Variants in DOCK2 observed in about 807,000 individuals in gnomAD.
DOCK2 encodes dedicator of cytokinesis protein 2.
A neutral mutation model predicts 248.9 loss-of-function variants in DOCK2; 87 were observed. The ratio of observed to expected loss-of-function variants is 0.35; its 90% CI spans 0.29 to 0.42. The LOEUF is 0.42. DOCK2 is among the 10% of genes least tolerant of loss of function. DOCK2 has a pLI of 1.00. For synonymous variants in DOCK2, 805 were observed against 821.6 expected (o/e 0.98, Z 0.35); for missense variants, 1,747 against 2,300.2 (o/e 0.76, Z 4.92).
At chr5:169,856,270 G>A (rs144403238) in intron 27 of DOCK2, among the ~76,000 whole-genome samples, 36 of 152,312 alleles carry the variant, frequency 2.4e-4, no homozygotes, top group Middle Eastern at 3.4e-3. Context: ...ATCAGAAAAA[G>A]ACACCTGCTT....
chr5:170,057,020 C>T, intron 43 of DOCK2: 1 of 484,280 alleles, frequency 2.1e-6, no homozygotes, highest in Non-Finnish European at 3.7e-6. Flanking sequence ...ACAGGGCATT[C>T]AGGCATTGCC....
At chr5:169,845,841 T>C (rs1335087420) in intron 27 of DOCK2, among the ~76,000 whole-genome samples, 2 of 152,216 alleles carry the variant, frequency 1.3e-5, no homozygotes, top group Non-Finnish European at 1.5e-5. Flanking sequence ...AGCAGAAATG[T>C]ACCTGAAATA....
chr5:169,706,249 T>C (rs1761257712), intron 14 of DOCK2, among the ~76,000 whole-genome samples: 1 of 152,252 alleles, frequency 6.6e-6, no homozygotes, highest in Non-Finnish European at 1.5e-5. Context: ...CAGAGATATA[T>C]GTGTAGTTTC....
In DOCK2 at chr5:169,654,410, C is replaced by T. The variant is rs185449432; in HGVS notation, c.51C>T (p.Tyr17=). The T allele has an allele frequency of 6.2e-7, 1 of 1,614,194 alleles. No homozygotes were observed. Among genetic ancestry groups the T allele is most frequent in the Non-Finnish European group, 8.5e-7 (1 of 1,180,034 alleles). Residue 17 remains tyrosine, a synonymous_variant, in exon 2 of 52, where the codon TAC becomes TAT. Coordinates refer to ENST00000520908, the MANE Select transcript of DOCK2 (RefSeq NM_004946.3). ...ADKERHGVAI[Y]NFQGSGAPQL... is the part of the protein sequence containing the mutation. Reference sequence around the variant, plus strand: ...TTTCTTTCTGTTTCACAGCCATATACAACTTCCAAGGCAGCGGAGCCCCCC... The same window carrying T: ...TTTCTTTCTGTTTCACAGCCATATATAACTTCCAAGGCAGCGGAGCCCCCC...
intron 15 of DOCK2, 79 bp from the exon 16 acceptor site, chr5:169,711,856 C>T: frequency 1.3e-6 from 2 of 1,486,550 alleles, no homozygotes; most frequent in South Asian, 1.1e-5. Flanking sequence ...GGTCAGGCTG[C>T]TGTGGAAGTG....
rs190248365 is a variant in DOCK2 at position 169,652,896 on chromosome 5, T to A, written c.44-1507T>A. ...CATAGGGGTTAGACACAGAGCAGCA[T>A]TGGCTATTTAGACCCTGGTCACTTA... On this transcript the variant is annotated intron_variant, in intron 1 of 51. Coordinates refer to ENST00000520908, the MANE Select transcript of DOCK2 (RefSeq NM_004946.3). 3.8e-4 allele frequency among the ~76,000 whole-genome samples: 58 copies of A among 152,284 alleles called. No individual in the cohort carries two copies. The East Asian group carries it at 6.6e-3, about 17-fold the overall frequency.
intron 26 of DOCK2, among the ~76,000 whole-genome samples, chr5:169,827,007 C>T (rs1232672093): frequency 1.4e-5 from 2 of 146,016 alleles, no homozygotes; most frequent in Non-Finnish European, 3.0e-5. Flanking sequence ...CAGGACAGAG[C>T]GTGGCACGTA....
intron 26 of DOCK2, among the ~76,000 whole-genome samples, chr5:169,818,113 C>A (rs1287308262): frequency 1.3e-5 from 2 of 152,148 alleles, no homozygotes; most frequent in African/African-American, 4.8e-5. Context: ...CCAAGGCCAG[C>A]CTACGTGAAC....
At chr5:170,037,036 T>C (rs1293369779) in intron 36 of DOCK2, among the ~76,000 whole-genome samples, 2 of 152,206 alleles carry the variant, frequency 1.3e-5, no homozygotes, top group African/African-American at 4.8e-5. Flanking sequence ...GACATTAGCC[T>C]GAAGCAAAGA....
chr5:169,811,911 G>A (rs1767782923), intron 26 of DOCK2, among the ~76,000 whole-genome samples: 1 of 152,216 alleles, frequency 6.6e-6, no homozygotes, highest in South Asian at 2.1e-4. Flanking sequence ...CTTTAAGTCA[G>A]ACTGCATCTT....
chr5:169,999,233 C>T (rs1581516444), intron 30 of DOCK2, among the ~76,000 whole-genome samples: 2 of 152,126 alleles, frequency 1.3e-5, no homozygotes, highest in Non-Finnish European at 2.9e-5. Flanking sequence ...ATGAGAAGTA[C>T]GGGCTTGCAA....
intron 42 of DOCK2, chr5:170,056,404 C>T (rs1226184023): frequency 3.3e-6 from 1 of 305,132 alleles, no homozygotes; most frequent in East Asian, 5.9e-5. Flanking sequence ...TGACCTAGGC[C>T]ATCAATGTTA....
intron 23 of DOCK2, among the ~76,000 whole-genome samples, chr5:169,756,425 G>A (rs767641796): frequency 5.3e-5 from 8 of 152,174 alleles, no homozygotes; most frequent in South Asian, 2.1e-4. Context: ...ATGAGTACGC[G>A]TTATAATCTG....
At chr5:169,881,940 C>T (rs1772678237) in intron 27 of DOCK2, among the ~76,000 whole-genome samples, 1 of 152,226 alleles carries the variant, frequency 6.6e-6, no homozygotes, top group African/African-American at 2.4e-5. Context: ...AAATAACTGC[C>T]TTTTCCTCCT....
chr5:169,681,981 G>T (rs966306649), intron 7 of DOCK2, 102 bp downstream of exon 7: 3 of 1,498,454 alleles, frequency 2.0e-6, no homozygotes, highest in Non-Finnish European at 2.7e-6. Context: ...TTATTCAAGG[G>T]GCATCTGTCT....
chr5:170,075,988 G>A lies in DOCK2; in HGVS notation c.4770G>A (p.Arg1590=). 6.2e-7 allele frequency: 1 copy of A among 1,614,160 alleles called. No homozygotes were observed. Among genetic ancestry groups the A allele is most frequent in the Non-Finnish European group, 8.5e-7 (1 of 1,180,034 alleles). The stretch of plus-strand genomic sequence containing the variant: ...CTGGGATTAAGATCCATGAGAAAAG[G>A]GTGTCAGATAACTTGCGACCCTTCC... ...LGAGIKIHEK[R]VSDNLRPFHD... is the part of the protein sequence containing the mutation. Residue 1590 remains arginine (R), a synonymous_variant, in exon 47 of 52, where the codon AGG becomes AGA. Coordinates refer to ENST00000520908, the MANE Select transcript of DOCK2 (RefSeq NM_004946.3).
At chr5:169,931,352 C>T (rs769334287) in intron 27 of DOCK2, among the ~76,000 whole-genome samples, 3 of 152,192 alleles carry the variant, frequency 2.0e-5, no homozygotes, top group Non-Finnish European at 2.9e-5. Context: ...CAAACACCAG[C>T]GTCTCTCAAA....
At chr5:169,864,049 A>G (rs887350156) in intron 27 of DOCK2, among the ~76,000 whole-genome samples, 1 of 152,138 alleles carries the variant, frequency 6.6e-6, no homozygotes, top group African/African-American at 2.4e-5. Flanking sequence ...CGGTCACTCT[A>G]GTGTCCGTGA....
chr5:170,052,083 C>T (rs548789193), intron 41 of DOCK2, among the ~76,000 whole-genome samples: 43 of 152,270 alleles, frequency 2.8e-4, no homozygotes, highest in Non-Finnish European at 4.7e-4. Flanking sequence ...AGCATTGCAC[C>T]GTTTAGCACA....
Sources: allele counts gnomAD v4.1 joint callset (sites outside exome capture counted in the v4.1 genomes callset), GRCh38; gene constraint gnomAD v4.1.1; transcripts MANE v1.5; gene names NCBI Gene and HGNC (gene_info 2026-07-23, HGNC 2026-07-21).